PRKCE: variants seen among roughly 807,000 people sequenced by gnomAD.
PRKCE encodes protein kinase C epsilon type.
Under a neutral mutation model 85.4 loss-of-function variants are expected in PRKCE, and 16 were observed. The ratio of observed to expected loss-of-function variants is 0.19; its 90% CI spans 0.13 to 0.28. PRKCE has a LOEUF of 0.28. Ranked by LOEUF, PRKCE falls within the 10% of genes least tolerant of loss-of-function variation. PRKCE has a pLI of 1.00. For synonymous variants in PRKCE, 388 were observed against 371.5 expected (o/e 1.04, Z -0.51); for missense variants, 573 against 975.2 (o/e 0.59, Z 5.49).
intron 1 of PRKCE, among the ~76,000 whole-genome samples, chr2:45,759,448 G>A (rs900464010): frequency 3.9e-5 from 6 of 152,292 alleles, no homozygotes; most frequent in Admixed American, 2.6e-4. Context: ...CAGCTGGGAC[G>A]CTACTGCTGT....
chr2:46,151,323 A>ACG, intron 13 of PRKCE, 94 bp downstream of exon 13: 1 of 998,758 alleles, frequency 1.0e-6, no homozygotes, highest in Non-Finnish European at 1.4e-6. Flanking sequence ...ACACACACAC[A>ACG]CTCCCTTCTC....
rs111450764 is a variant in PRKCE, at chr2:46,144,988, C to A, written c.1593-105C>A. 2.6e-6 allele frequency: 4 copies of A among 1,519,944 alleles called. No homozygotes were observed. In the African/African-American group the frequency reaches 5.5e-5, roughly 21 times the overall value. 94.2% of individuals were successfully genotyped at this position (1,519,944 alleles called of 1,614,324 possible). ...CAAGAAACACAAGCTTCTTTCAGGA[C>A]TTTTTTGCTGGAGATTTCCCTAAGA... On this transcript the variant is annotated intron_variant, in intron 11 of 14. Transcript: ENST00000306156.
At chr2:46,115,085 A>G (rs1381385058) in intron 11 of PRKCE, among the ~76,000 whole-genome samples, 3 of 152,214 alleles carry the variant, frequency 2.0e-5, no homozygotes, top group Admixed American at 6.5e-5. Context: ...GAATTGTTCC[A>G]TCTGATGTTC....
intron 1 of PRKCE, among the ~76,000 whole-genome samples, chr2:45,655,095 C>G (rs950510701): frequency 6.6e-6 from 1 of 152,304 alleles, no homozygotes; most frequent in Non-Finnish European, 1.5e-5. Flanking sequence ...ACTTTGAATT[C>G]ACTTGTATTC....
In PRKCE at chr2:45,728,219, T is replaced by C. The variant is rs551067876; in HGVS notation, c.348+75771T>C. On this transcript the variant is annotated intron_variant, in intron 1 of 14. Transcript: ENST00000306156. The stretch of plus-strand genomic sequence containing the variant: ...GCTACTCTAAATAAATTAAGGGTAG[T>C]ATCTGTTTTGGCTTCAAAGGGCAAA... 4.3e-4 allele frequency among the ~76,000 whole-genome samples: 66 copies of C among 152,334 alleles called. 1 individual carries two copies. The South Asian group carries it at 0.012, about 28-fold the overall frequency.
At chr2:45,796,521 T>C (rs999679303) in intron 1 of PRKCE, among the ~76,000 whole-genome samples, 7 of 152,206 alleles carry the variant, frequency 4.6e-5, no homozygotes, top group Non-Finnish European at 1.0e-4. Context: ...AAAATTGAAC[T>C]TCTTGAGAGG....
At chr2:46,076,111 C>T (rs1238218657) in intron 10 of PRKCE, among the ~76,000 whole-genome samples, 2 of 152,206 alleles carry the variant, frequency 1.3e-5, no homozygotes, top group African/African-American at 4.8e-5. Flanking sequence ...TACCACTGTG[C>T]TTTCTATTGG....
At chr2:45,658,936 C>T (rs1210078087) in intron 1 of PRKCE, among the ~76,000 whole-genome samples, 1 of 152,114 alleles carries the variant, frequency 6.6e-6, no homozygotes, top group Non-Finnish European at 1.5e-5. Context: ...TCATTGTAGA[C>T]AAAGGTTAAT....
Position 46,004,314 on chromosome 2 carries a change from A to C in PRKCE, c.967-228A>C. 3 of 460,380 alleles carry C rather than the reference A, an allele frequency of 6.5e-6. No individual in the cohort carries two copies. The highest frequency in any genetic ancestry group is 8.1e-6 in the Non-Finnish European group (2 of 246,276). The allele number at this position is 460,380 out of a possible 1,614,324, so 28.5% of individuals were successfully genotyped here. A position where few individuals can be genotyped will look rare whatever the true frequency, so the allele number is the denominator to read the frequency against. On this transcript the variant is annotated intron_variant, in intron 7 of 14. Coordinates refer to ENST00000306156, the MANE Select transcript of PRKCE (RefSeq NM_005400.3). This position sits in a 1 kb window ranked among gnomAD's most constrained non-coding sequence, Gnocchi z 4.1. ...CATCATCCTTCTGTGAATGTAGGGAAGGTGCACTGAAATTCCTTTTGTGGT... is the reference window on the plus strand; with the variant it reads ...CATCATCCTTCTGTGAATGTAGGGACGGTGCACTGAAATTCCTTTTGTGGT...
chr2:46,133,079 T>C (rs763405707), intron 11 of PRKCE, among the ~76,000 whole-genome samples: 4 of 152,180 alleles, frequency 2.6e-5, no homozygotes, highest in African/African-American at 4.8e-5. Flanking sequence ...GACATACGCC[T>C]ACTAGTTTTG....
chr2:46,103,857 G>T (rs1671467051), intron 11 of PRKCE, among the ~76,000 whole-genome samples: 1 of 152,166 alleles, frequency 6.6e-6, no homozygotes, highest in Admixed American at 6.5e-5. Flanking sequence ...GGCTGAGGAG[G>T]AGGAAGAAGA....
intron 2 of PRKCE, among the ~76,000 whole-genome samples, chr2:45,942,438 G>A (rs144447641): frequency 6.6e-6 from 1 of 152,266 alleles, no homozygotes; most frequent in Non-Finnish European, 1.5e-5. Flanking sequence ...ATATAAAAGA[G>A]CAAGTCTCTT....
chr2:45,978,733 T>G (rs1389902874), intron 3 of PRKCE: 1 of 495,218 alleles, frequency 2.0e-6, no homozygotes, highest in African/African-American at 2.0e-5. Flanking sequence ...GCTCTCTGTA[T>G]AGGAAATCAA....
At chr2:45,856,592 AC>A (rs1692698095) in intron 2 of PRKCE, among the ~76,000 whole-genome samples, 1 of 152,208 alleles carries the variant, frequency 6.6e-6, no homozygotes. Context: ...CTTGATATAT[AC>A]GACACATTGT....
chr2:46,072,940 C>T (rs1286654491), intron 10 of PRKCE, among the ~76,000 whole-genome samples: 1 of 152,204 alleles, frequency 6.6e-6, no homozygotes, highest in African/African-American at 2.4e-5. Flanking sequence ...CCAGCAGCTG[C>T]CTAATCTGCT....
chr2:45,870,933 G>C (rs186133655), intron 2 of PRKCE, among the ~76,000 whole-genome samples: 5 of 152,320 alleles, frequency 3.3e-5, no homozygotes, highest in South Asian at 2.1e-4. Context: ...CACTCGGGGG[G>C]AATGGGCTCC....
At chr2:46,019,937 C>A (rs1039289545) in intron 10 of PRKCE, among the ~76,000 whole-genome samples, 2 of 148,522 alleles carry the variant, frequency 1.3e-5, no homozygotes, top group Non-Finnish European at 2.9e-5. Context: ...ACAACCTCTG[C>A]CTCCCAGGCT....
chr2:45,950,476 C>A (rs887534534), intron 2 of PRKCE, among the ~76,000 whole-genome samples: 1 of 152,150 alleles, frequency 6.6e-6, no homozygotes, highest in African/African-American at 2.4e-5. Context: ...CTGCTTCTCA[C>A]ATTCTAATTT....
At chr2:46,152,418 G>T (rs929881856) in intron 13 of PRKCE, among the ~76,000 whole-genome samples, 1 of 151,892 alleles carries the variant, frequency 6.6e-6, no homozygotes. Context: ...TTGACCTCAG[G>T]TGATCCGCCC....
Sources: allele counts gnomAD v4.1 joint callset (sites outside exome capture counted in the v4.1 genomes callset), GRCh38; gene constraint gnomAD v4.1.1; non-coding constraint Gnocchi (gnomAD v3.1); transcripts MANE v1.5; gene names NCBI Gene and HGNC (gene_info 2026-07-23, HGNC 2026-07-21).